Variants in FOXP1 observed in about 807,000 individuals in gnomAD.
FOXP1 encodes forkhead box protein P1.
FOXP1 carries 15 observed loss-of-function variants against 98.2 expected under a neutral mutation model. The observed-to-expected ratio is 0.15, with a 90% CI of 0.10 to 0.24. The LOEUF (loss-of-function observed/expected upper bound fraction) is 0.24, where lower values mean the gene tolerates loss of function less well. Among genes scored for constraint, FOXP1 ranks in the 10% least tolerant of loss-of-function variants. FOXP1 has a pLI of 1.00. For missense variants in FOXP1, 633 were observed against 848.5 expected, an observed-to-expected ratio of 0.75 and a Z score of 3.15; for synonymous variants, 371 against 314.5, an observed-to-expected ratio of 1.18 and a Z score of -1.90.
intron 3 of FOXP1, among the ~76,000 whole-genome samples, chr3:71,474,888 G>A (rs1243568262): frequency 6.6e-6 from 1 of 152,102 alleles, no homozygotes; most frequent in Non-Finnish European, 1.5e-5. Flanking sequence ...TCTGGTCCAT[G>A]GAAAAACCGT....
chr3:71,036,633 G>C (rs762645828), intron 11 of FOXP1, among the ~76,000 whole-genome samples: 2 of 152,142 alleles, frequency 1.3e-5, no homozygotes, highest in Non-Finnish European at 2.9e-5. Context: ...GGATTTATAA[G>C]GCAGGAAAAA....
In FOXP1 at chr3:71,582,104, A is replaced by T. The variant is rs1454924953; in HGVS notation, c.-446-407T>A. On this transcript the variant is annotated intron_variant, in intron 1 of 20. Transcript: ENST00000649528. ...GGGGGGCTGCAGGCAGCGATTTCGA[A>T]GCAAACACATGGGAGGGGGGCATGC... is the stretch of plus-strand genomic sequence containing the variant. 4.2e-6 allele frequency: 4 copies of T among 955,074 alleles called. No homozygotes were observed. In the East Asian group the frequency reaches 3.8e-4, roughly 92 times the overall value. The allele number at this position is 955,074 out of a possible 1,614,324, so 59.2% of individuals were successfully genotyped here.
At chr3:71,271,968 T>C (rs1385701359) in intron 5 of FOXP1, among the ~76,000 whole-genome samples, 2 of 152,206 alleles carry the variant, frequency 1.3e-5, no homozygotes, top group African/African-American at 4.8e-5. Context: ...TGAATACATA[T>C]AAGGCATTGT....
At chr3:71,293,859 A>G (rs1345028690) in intron 5 of FOXP1, among the ~76,000 whole-genome samples, 1 of 152,224 alleles carries the variant, frequency 6.6e-6, no homozygotes, top group Non-Finnish European at 1.5e-5. Context: ...ACAGCATAAA[A>G]AACAGTAATT....
chr3:71,451,597 A>G (rs2086964235), intron 3 of FOXP1, among the ~76,000 whole-genome samples: 1 of 152,194 alleles, frequency 6.6e-6, no homozygotes. Context: ...TACAAAGCCA[A>G]TTAAATACAA....
intron 6 of FOXP1, among the ~76,000 whole-genome samples, chr3:71,194,529 T>A (rs1204753555): frequency 2.0e-5 from 3 of 152,106 alleles, no homozygotes; most frequent in Non-Finnish European, 2.9e-5. Context: ...TCAAGACTTT[T>A]AAAATGCATT....
intron 5 of FOXP1, among the ~76,000 whole-genome samples, chr3:71,291,328 T>A (rs1449966695): frequency 6.6e-6 from 1 of 152,264 alleles, no homozygotes; most frequent in Non-Finnish European, 1.5e-5. Flanking sequence ...AAAACGATCA[T>A]TTCAACATGT....
At chr3:70,976,569 T>C (rs1220418233) in intron 17 of FOXP1, among the ~76,000 whole-genome samples, 3 of 152,216 alleles carry the variant, frequency 2.0e-5, no homozygotes, top group African/African-American at 7.2e-5. Flanking sequence ...GATAGATCGC[T>C]GGAGATACAT....
intron 13 of FOXP1, among the ~76,000 whole-genome samples, chr3:70,994,224 G>A (rs1334898605): frequency 6.6e-6 from 1 of 150,834 alleles, no homozygotes; most frequent in East Asian, 2.0e-4. Context: ...AGAAGATGGG[G>A]CATTCAATAG....
intron 5 of FOXP1, among the ~76,000 whole-genome samples, chr3:71,225,790 G>A (rs934491415): frequency 6.6e-6 from 1 of 152,172 alleles, no homozygotes. Context: ...TTTGAACAGT[G>A]GAGACATGAA....
At chr3:71,180,169 A>G (rs1052614126) in intron 6 of FOXP1, among the ~76,000 whole-genome samples, 8 of 152,194 alleles carry the variant, frequency 5.3e-5, no homozygotes, top group Non-Finnish European at 1.0e-4. Flanking sequence ...TGCTTAAAAA[A>G]AAAACCCACC....
At chr3:71,506,679 TC>T (rs1560580344) in intron 2 of FOXP1, among the ~76,000 whole-genome samples, 1 of 151,894 alleles carries the variant, frequency 6.6e-6, no homozygotes, top group Admixed American at 6.6e-5. Flanking sequence ...AGCTGGTCCT[TC>T]CCCTCAGTAC....
In FOXP1 at chr3:70,974,190, G is replaced by C. The variant is rs191920597; in HGVS notation, c.1531-1514C>G. Among the ~76,000 whole-genome samples the C allele has an allele frequency of 1.5e-3, 222 of 152,172 alleles. 1 individual carries two copies. Among genetic ancestry groups the C allele is most frequent in the African/African-American group, 5.3e-3 (220 of 41,526 alleles). ...TCCTGATTCAAAAAAGTTGGAAGAAGGATTTGCTTAAAAATAAAAATCTCT... is the reference window on the plus strand; with the variant it reads ...TCCTGATTCAAAAAAGTTGGAAGAACGATTTGCTTAAAAATAAAAATCTCT... On this transcript the variant is annotated intron_variant, in intron 17 of 20. Transcript: ENST00000649528.
chr3:71,263,487 T>C (rs868397280), intron 5 of FOXP1, among the ~76,000 whole-genome samples: 1 of 152,172 alleles, frequency 6.6e-6, no homozygotes, highest in African/African-American at 2.4e-5. Flanking sequence ...TCAACAACTA[T>C]GTATATCATG....
At chr3:71,432,788 C>T (rs1423817720) in intron 3 of FOXP1, among the ~76,000 whole-genome samples, 1 of 149,978 alleles carries the variant, frequency 6.7e-6, no homozygotes, top group Non-Finnish European at 1.5e-5. Context: ...TGTGGAGCTC[C>T]TAAGTCAAGC....
chr3:71,262,951 G>T (rs1272722040), intron 5 of FOXP1, among the ~76,000 whole-genome samples: 1 of 152,144 alleles, frequency 6.6e-6, no homozygotes, highest in Non-Finnish European at 1.5e-5. Context: ...GACTCCATTG[G>T]CAAAACGGCT....
chr3:71,089,521 G>A (rs886267311), intron 7 of FOXP1, among the ~76,000 whole-genome samples: 3 of 152,178 alleles, frequency 2.0e-5, no homozygotes, highest in African/African-American at 7.2e-5. Context: ...AAGACACTAA[G>A]GTTTGGAGTA....
At chr3:71,178,984 C>T (rs1222737447) in intron 6 of FOXP1, among the ~76,000 whole-genome samples, 2 of 137,088 alleles carry the variant, frequency 1.5e-5, no homozygotes, top group East Asian at 4.3e-4. Flanking sequence ...GCATGAGAAT[C>T]ATTTGACCCT....
At chr3:70,979,946 G>A (rs571818398) in intron 14 of FOXP1, among the ~76,000 whole-genome samples, 1 of 152,318 alleles carries the variant, frequency 6.6e-6, no homozygotes, top group Non-Finnish European at 1.5e-5. Flanking sequence ...TGAGCTTTGA[G>A]TTGTGCTTTC....
Sources: gnomAD v4.1 joint callset for allele counts (sites outside exome capture counted in the v4.1 genomes callset) on GRCh38, gnomAD v4.1.1 for gene constraint, MANE v1.5 for transcripts, NCBI Gene and HGNC (gene_info 2026-07-23, HGNC 2026-07-21) for gene names.